The following CERS3 variants were observed in gnomAD, a reference collection of about 807,000 sequenced individuals.
The protein encoded by CERS3 is LAG1 homolog, ceramide synthase 3.
In CERS3, 33 loss-of-function variants were observed where a neutral mutation model predicts 50.3. That is an observed-to-expected ratio of 0.66 (90% CI 0.50 to 0.88). The LOEUF (loss-of-function observed/expected upper bound fraction) is 0.88. CERS3 is among the 40% of genes least tolerant of loss of function. The pLI is 0.00. For missense variants in CERS3, 470 were observed against 460.3 expected, an observed-to-expected ratio of 1.02 and a Z score of -0.19; for synonymous variants, 176 against 155.2, an observed-to-expected ratio of 1.13 and a Z score of -0.99.
intron 10 of CERS3, among the ~76,000 whole-genome samples, chr15:100,458,872 C>T (rs1168491572): frequency 2.0e-5 from 3 of 152,122 alleles, no homozygotes; most frequent in African/African-American, 7.2e-5. Context: ...TTACAGAGAG[C>T]TTTCCACAAC....
chr15:100,497,896 CT>C (rs377191111), intron 3 of CERS3, among the ~76,000 whole-genome samples: 1 of 63,600 alleles, frequency 1.6e-5, no homozygotes, highest in African/African-American at 5.3e-5. Context: ...CACACACACA[CT>C]TTTTTTTTTT....
intron 11 of CERS3, among the ~76,000 whole-genome samples, chr15:100,453,173 C>A (rs531624443): frequency 1.3e-5 from 2 of 151,812 alleles, no homozygotes; most frequent in African/African-American, 4.8e-5. Context: ...ACCTTGATAT[C>A]AAAACCAGAC....
At chr15:100,450,618 TAA>T (rs1277924906) in intron 11 of CERS3, among the ~76,000 whole-genome samples, 1 of 151,984 alleles carries the variant, frequency 6.6e-6, no homozygotes, top group Non-Finnish European at 1.5e-5. Context: ...GAAAATAAAA[TAA>T]AAAAGATAGA....
At position 100,400,759 on chromosome 15, in the gene CERS3, G is replaced by A. The variant is rs1401836092; in HGVS notation, c.*1954C>T. 2.0e-5 allele frequency: 3 copies of A among 151,900 alleles called. No individual in the cohort carries two copies. Among genetic ancestry groups the A allele is most frequent in the Admixed American group, 6.6e-5 (1 of 15,256 alleles). The allele number at this position is 151,900 out of a possible 1,614,324, so 9.4% of individuals were successfully genotyped here. A position where few individuals can be genotyped will look rare whatever the true frequency, so the allele number is the denominator to read the frequency against. On this transcript the variant is annotated 3_prime_UTR_variant, in exon 12 of 12. Coordinates refer to ENST00000679737, the MANE Select transcript of CERS3 (RefSeq NM_001378789.1). ...AAATAAGCAAAGAAGAAAGCATACC[G>A]TTAACTGAAAACATAAAAAATTATA...
rs1049240296 is a variant in CERS3, at chr15:100,424,354, T to C, written c.1000-21489A>G. ...TGAAAGCAGCTTTGAAACTGGGTAA[T>C]GGGAAGAGGTTGGAACAGTTTAAAG... On this transcript the variant is annotated intron_variant, in intron 11 of 11. Coordinates refer to ENST00000679737, the MANE Select transcript of CERS3 (RefSeq NM_001378789.1). Among the ~76,000 whole-genome samples the C allele has an allele frequency of 1.2e-4, 19 of 152,078 alleles. 3 individuals are homozygous for C. The highest frequency in any genetic ancestry group is 1.0e-3 in the Admixed American group (16 of 15,266).
intron 4 of CERS3, among the ~76,000 whole-genome samples, chr15:100,489,535 T>C (rs1198471038): frequency 6.6e-6 from 1 of 152,210 alleles, no homozygotes; most frequent in Non-Finnish European, 1.5e-5. Context: ...ATTGGTATTA[T>C]AGCACTGTTC....
chr15:100,467,851 A>ACG lies in CERS3; in HGVS notation c.845+1526_845+1527insCG, dbSNP rs1400680568. Among the ~76,000 whole-genome samples the ACG allele has an allele frequency of 4.9e-4, 12 of 24,704 alleles. No individual in the cohort carries two copies. The South Asian group carries it at 0.02, about 42-fold the overall frequency. 16.2% of individuals were successfully genotyped at this position (24,704 alleles called of 152,430 possible). On this transcript the variant is annotated intron_variant, in intron 10 of 11. Coordinates refer to ENST00000679737, the MANE Select transcript of CERS3 (RefSeq NM_001378789.1). ...TATATATACGTGTATATATATATAT[A>ACG]TAGATAGATAGATAGATAGATAGAT...
intron 2 of CERS3, among the ~76,000 whole-genome samples, chr15:100,515,886 T>C (rs1162414068): frequency 6.6e-6 from 1 of 152,154 alleles, no homozygotes; most frequent in African/African-American, 2.4e-5. Flanking sequence ...ATAAACATCT[T>C]GCTCCTCTTC....
At chr15:100,420,623 C>A (rs1475275499) in intron 11 of CERS3, among the ~76,000 whole-genome samples, 1 of 151,274 alleles carries the variant, frequency 6.6e-6, no homozygotes, top group Admixed American at 6.6e-5. Context: ...GGCAGAGACA[C>A]AACAAAAAAA....
At chr15:100,530,940 T>C (rs1299655852), upstream of CERS3, among the ~76,000 whole-genome samples, 1 of 151,744 alleles carries the variant, frequency 6.6e-6, no homozygotes, top group Non-Finnish European at 1.5e-5. Context: ...AAAAATGAGC[T>C]GGGCATGGTG....
chr15:100,417,267 T>C (rs1384344199), intron 11 of CERS3, among the ~76,000 whole-genome samples: 2 of 151,778 alleles, frequency 1.3e-5, no homozygotes, highest in Non-Finnish European at 2.9e-5. Context: ...TTGCCTCACT[T>C]GGGAAGAGCA....
intron 11 of CERS3, among the ~76,000 whole-genome samples, chr15:100,447,644 C>A (rs775224291): frequency 2.0e-5 from 3 of 152,212 alleles, no homozygotes; most frequent in Admixed American, 6.5e-5. Context: ...TTTTCACTTG[C>A]TTTAAAGGCT....
At chr15:100,453,984 G>T (rs1449397346) in intron 11 of CERS3, among the ~76,000 whole-genome samples, 1 of 152,124 alleles carries the variant, frequency 6.6e-6, no homozygotes, top group Non-Finnish European at 1.5e-5. Flanking sequence ...AAAAATTGAA[G>T]AGGACATAAA....
In CERS3 at chr15:100,484,614, T is replaced by C; in HGVS notation, c.343A>G (p.Arg115Gly). 1 of 1,614,198 alleles carries C rather than the reference T, an allele frequency of 6.2e-7. No individual in the cohort carries two copies. The highest frequency in any genetic ancestry group is 1.3e-5 in the African/African-American group (1 of 75,052). The change falls in exon 5 of 12, where the codon AGA becomes GGA. Residue 115 changes from arginine (R) to glycine (G), a missense_variant. Coordinates refer to ENST00000679737, the MANE Select transcript of CERS3 (RefSeq NM_001378789.1). ...TGATTCCGCCGACTCCTAAACCATC[T>C]TTCCACCTGGCGCTCCGTCAAGTTA... Reference protein sequence around the residue: ...KCNLTERQVERWFRSRRNQER... With the variant: ...KCNLTERQVEGWFRSRRNQER...
chr15:100,432,057 A>G (rs1419472031), intron 11 of CERS3, among the ~76,000 whole-genome samples: 1 of 113,596 alleles, frequency 8.8e-6, no homozygotes, highest in Non-Finnish European at 1.9e-5. Context: ...AGTTCCTTTA[A>G]TAGGCCCTCT....
chr15:100,471,597 A>G (rs1232106369), intron 9 of CERS3, among the ~76,000 whole-genome samples: 2 of 152,272 alleles, frequency 1.3e-5, no homozygotes, highest in East Asian at 3.9e-4. Context: ...TTCTGTCAGG[A>G]TTACTGAGAT....
At chr15:100,452,241 A>C (rs2034199581) in intron 11 of CERS3, among the ~76,000 whole-genome samples, 1 of 152,252 alleles carries the variant, frequency 6.6e-6, no homozygotes, top group Non-Finnish European at 1.5e-5. Context: ...AACATGTCTC[A>C]ACAAATTTAA....
chr15:100,534,151 C>A (rs574299657), intron 1 of CERS3, among the ~76,000 whole-genome samples: 14 of 152,170 alleles, frequency 9.2e-5, no homozygotes, highest in Non-Finnish European at 2.1e-4. Context: ...GTGAATACAG[C>A]CCCTGGTTAC....
intron 1 of CERS3, among the ~76,000 whole-genome samples, chr15:100,543,359 A>T (rs2037247688): frequency 6.6e-6 from 1 of 152,096 alleles, no homozygotes; most frequent in African/African-American, 2.4e-5. Flanking sequence ...CACTCCACAT[A>T]CTACTTAGAT....
Sources: gnomAD v4.1 joint callset for allele counts (sites outside exome capture counted in the v4.1 genomes callset) on GRCh38, gnomAD v4.1.1 for gene constraint, MANE v1.5 for transcripts, NCBI Gene and HGNC (gene_info 2026-07-23, HGNC 2026-07-21) for gene names.